Variants in NCOA2 observed in about 807,000 individuals in gnomAD.
The protein encoded by NCOA2 is nuclear receptor coactivator 2.
NCOA2 carries 21 observed loss-of-function variants against 145.1 expected under a neutral mutation model. The ratio of observed to expected loss-of-function variants is 0.14; its 90% confidence interval spans 0.10 to 0.21. The LOEUF is 0.21. NCOA2 is among the 10% of genes least tolerant of loss of function. The probability of loss-of-function intolerance (pLI) is 1.00; values close to 1 mark genes in which losing one functional copy is unlikely to be tolerated. For missense variants in NCOA2, 1,472 were observed against 1,837.6 expected (o/e 0.80, Z 3.64); for synonymous variants, 619 against 637.5 (o/e 0.97, Z 0.44).
intron 21 of NCOA2, among the ~76,000 whole-genome samples, chr8:70,123,212 C>A (rs1485115146): frequency 6.6e-6 from 1 of 152,152 alleles, no homozygotes; most frequent in East Asian, 1.9e-4. Flanking sequence ...ATTGCCTTCA[C>A]GTTCCAAAGT....
intron 1 of NCOA2, among the ~76,000 whole-genome samples, chr8:70,388,293 G>A (rs937394740): frequency 1.3e-5 from 2 of 152,106 alleles, no homozygotes; most frequent in Non-Finnish European, 2.9e-5. Context: ...CTTATTAAAG[G>A]TATATGTAAA....
chr8:70,399,469 C>A (rs1038660023), intron 1 of NCOA2, among the ~76,000 whole-genome samples: 1 of 152,146 alleles, frequency 6.6e-6, no homozygotes, highest in Non-Finnish European at 1.5e-5. Flanking sequence ...GGAAAAAGAT[C>A]CTGATTTGTT....
At chr8:70,286,550 A>C (rs1826246035) in intron 2 of NCOA2, among the ~76,000 whole-genome samples, 1 of 152,222 alleles carries the variant, frequency 6.6e-6, no homozygotes, top group Admixed American at 6.5e-5. Context: ...AAACAGCATG[A>C]ATTGCTCAAA....
At chr8:70,160,011 A>G (rs979606641) in intron 9 of NCOA2, among the ~76,000 whole-genome samples, 2 of 152,230 alleles carry the variant, frequency 1.3e-5, no homozygotes, top group Admixed American at 6.5e-5. Context: ...AAACAACACA[A>G]TGTATAAACA....
intron 1 of NCOA2, among the ~76,000 whole-genome samples, chr8:70,363,079 T>TA (rs777122942): frequency 0.055 from 5,523 of 99,686 alleles, 416 homozygotes; most frequent in African/African-American, 0.17. Context: ...ACTCTGTCTT[T>TA]AAAAAAAAAA....
chr8:70,257,909 C>T (rs1031726909), intron 2 of NCOA2, among the ~76,000 whole-genome samples: 1 of 151,638 alleles, frequency 6.6e-6, no homozygotes, highest in South Asian at 2.1e-4. Flanking sequence ...ATGAGCATGT[C>T]TTTTTTCTTT....
intron 1 of NCOA2, among the ~76,000 whole-genome samples, chr8:70,403,320 G>GCCTCGGCGCTCA (rs987293242): frequency 4.6e-5 from 7 of 150,710 alleles, no homozygotes; most frequent in Non-Finnish European, 7.4e-5. Flanking sequence ...CCCCGGCCGC[G>GCCTCGGCGCTCA]CCTCGGCGCT....
chr8:70,130,287 T>C (rs1808944448), intron 16 of NCOA2, among the ~76,000 whole-genome samples: 1 of 152,266 alleles, frequency 6.6e-6, no homozygotes, highest in Non-Finnish European at 1.5e-5. Flanking sequence ...TTCAGTTTCA[T>C]GACAATATTA....
At chr8:70,213,570 G>A (rs910705454) in intron 4 of NCOA2, among the ~76,000 whole-genome samples, 10 of 152,126 alleles carry the variant, frequency 6.6e-5, no homozygotes, top group African/African-American at 2.4e-4. Context: ...GCTGCTACTT[G>A]CAACTTTTGA....
intron 1 of NCOA2, among the ~76,000 whole-genome samples, chr8:70,344,868 A>T (rs1422430379): frequency 6.6e-6 from 1 of 152,172 alleles, no homozygotes. Flanking sequence ...GTGTCTCAAG[A>T]AGACAATTTA....
At chr8:70,341,742 C>T (rs1808161689) in intron 1 of NCOA2, among the ~76,000 whole-genome samples, 1 of 151,988 alleles carries the variant, frequency 6.6e-6, no homozygotes, top group Admixed American at 6.6e-5. Flanking sequence ...TTTAGTGTAA[C>T]AAAATATAAC....
intron 4 of NCOA2, among the ~76,000 whole-genome samples, chr8:70,204,148 C>A (rs1331060548): frequency 1.3e-5 from 2 of 151,988 alleles, no homozygotes; most frequent in Non-Finnish European, 2.9e-5. Context: ...GCTGGGATTA[C>A]AGGCGTGTGC....
At chr8:70,431,263 T>G in the NCOA2 span, among the ~76,000 whole-genome samples, 1 of 152,156 alleles carries the variant, frequency 6.6e-6, no homozygotes, top group African/African-American at 2.4e-5. Context: ...ATATACATTA[T>G]TCTATTGAAC....
the NCOA2 span, among the ~76,000 whole-genome samples, chr8:70,438,490 G>A: frequency 6.6e-6 from 1 of 152,008 alleles, no homozygotes; most frequent in African/African-American, 2.4e-5. Flanking sequence ...CATATGTACA[G>A]CATTTACTTA....
the NCOA2 span, among the ~76,000 whole-genome samples, chr8:70,434,317 T>C: frequency 3.9e-5 from 6 of 152,154 alleles, no homozygotes; most frequent in African/African-American, 1.2e-4. Context: ...GGAGATAAAA[T>C]TGATACGATA....
intron 2 of NCOA2, among the ~76,000 whole-genome samples, chr8:70,246,636 A>G (rs1400019622): frequency 2.0e-5 from 3 of 152,138 alleles, no homozygotes; most frequent in African/African-American, 7.2e-5. Flanking sequence ...GGTTAAGCAC[A>G]TTCATACTGT....
Position 70,216,739 on chromosome 8 carries a change from C to T in NCOA2, c.7G>A (p.Gly3Arg). Residue 3 changes from glycine to arginine, a missense_variant, in exon 3 of 23, where the codon GGG (glycine) becomes AGG (arginine). By Grantham distance (125) the Gly-to-Arg change is moderately radical. This residue lies in a region of NCOA2 where 284 missense variants were observed against 467.8 expected (regional missense o/e 0.61). Transcript: ENST00000452400. ...GGGTCAGAGGTATTTTCTCCCATCC[C>T]ACTCATCTTGAACACATATCAGCAA... MSGMGENTSDPSR... is the reference protein window; with the variant it reads MSRMGENTSDPSR... 1 of 1,612,312 alleles carries T rather than the reference C, an allele frequency of 6.2e-7. No individual in the cohort carries two copies. Among genetic ancestry groups the T allele is most frequent in the South Asian group, 1.1e-5 (1 of 91,042 alleles).
intron 13 of NCOA2, among the ~76,000 whole-genome samples, chr8:70,141,926 C>T (rs1242277107): frequency 6.6e-6 from 1 of 152,168 alleles, no homozygotes; most frequent in Non-Finnish European, 1.5e-5. Context: ...ACTTATAGAT[C>T]TTTCTGATAT....
chr8:70,259,345 G>T (rs1823916412), intron 2 of NCOA2, among the ~76,000 whole-genome samples: 1 of 152,130 alleles, frequency 6.6e-6, no homozygotes, highest in Non-Finnish European at 1.5e-5. Flanking sequence ...GGTTATTACT[G>T]TCTATGTACT....
Sources: gnomAD v4.1 joint callset for allele counts (sites outside exome capture counted in the v4.1 genomes callset) on GRCh38, gnomAD v4.1.1 for gene constraint, gnomAD v4.1.1 regional missense constraint, MANE v1.5 for transcripts, NCBI Gene and HGNC (gene_info 2026-07-23, HGNC 2026-07-21) for gene names.